Variants in DSCAM observed in about 807,000 individuals in gnomAD.
The protein encoded by DSCAM is cell adhesion molecule DSCAM.
DSCAM carries 47 observed loss-of-function variants against 217.7 expected under a neutral mutation model. That is an observed-to-expected ratio of 0.22 (90% CI 0.17 to 0.28). The LOEUF is 0.28. Among genes scored for constraint, DSCAM ranks in the 10% least tolerant of loss-of-function variants. The pLI is 1.00. For synonymous variants in DSCAM, 1,056 were observed against 1,015.3 expected (o/e 1.04, Z -0.76); for missense variants, 2,080 against 2,618.3 (o/e 0.79, Z 4.49).
At chr21:40,444,940 C>T (rs532517134) in intron 3 of DSCAM, among the ~76,000 whole-genome samples, 3 of 152,202 alleles carry the variant, frequency 2.0e-5, no homozygotes, top group African/African-American at 7.2e-5. Context: ...TACGCTTGCC[C>T]TACATTGTCT....
At chr21:40,549,613 C>CA (rs1223620865) in intron 3 of DSCAM, among the ~76,000 whole-genome samples, 1 of 152,200 alleles carries the variant, frequency 6.6e-6, no homozygotes, top group African/African-American at 2.4e-5. Flanking sequence ...CTGAGATACT[C>CA]AGGCAGCATG....
intron 1 of DSCAM, among the ~76,000 whole-genome samples, chr21:40,832,959 C>T (rs564074306): frequency 2.0e-5 from 3 of 152,260 alleles, no homozygotes; most frequent in East Asian, 1.9e-4. Flanking sequence ...CTAAAGTACA[C>T]GGCATGCAAG....
At chr21:40,577,059 C>A (rs2146213451) in intron 3 of DSCAM, among the ~76,000 whole-genome samples, 1 of 151,096 alleles carries the variant, frequency 6.6e-6, no homozygotes, top group South Asian at 2.1e-4. Flanking sequence ...AGTGAAAATT[C>A]TATGTGAATT....
chr21:40,191,494 T>C (rs1027505786), intron 11 of DSCAM, among the ~76,000 whole-genome samples: 3 of 152,274 alleles, frequency 2.0e-5, no homozygotes, highest in Non-Finnish European at 4.4e-5. Flanking sequence ...CCCTAGCCTA[T>C]AAAATAAATA....
chr21:40,433,218 C>T (rs2075551881), intron 3 of DSCAM, among the ~76,000 whole-genome samples: 1 of 151,794 alleles, frequency 6.6e-6, no homozygotes, highest in Non-Finnish European at 1.5e-5. Flanking sequence ...ATTAGCCGGG[C>T]ATGGTAGGTA....
At chr21:40,736,255 T>A (rs534617154) in intron 1 of DSCAM, among the ~76,000 whole-genome samples, 69 of 152,086 alleles carry the variant, frequency 4.5e-4, no homozygotes, top group Admixed American at 2.0e-4. Flanking sequence ...ACCCAGGAGC[T>A]CTCCTCTGAA....
chr21:40,369,906 A>G (rs968263806), intron 3 of DSCAM, among the ~76,000 whole-genome samples: 2 of 152,100 alleles, frequency 1.3e-5, no homozygotes, highest in African/African-American at 2.4e-5. Context: ...TTTTAAAGGG[A>G]CTGTTCAAAT....
chr21:40,292,111 A>C (rs2073899463), intron 10 of DSCAM, among the ~76,000 whole-genome samples: 1 of 152,092 alleles, frequency 6.6e-6, no homozygotes, highest in Non-Finnish European at 1.5e-5. Context: ...TGTTCATGTA[A>C]ATAAATAAAT....
chr21:40,518,531 T>C (rs868696755), intron 3 of DSCAM, among the ~76,000 whole-genome samples: 2 of 45,326 alleles, frequency 4.4e-5, no homozygotes, highest in African/African-American at 3.3e-4. Context: ...ATATATTTTA[T>C]ATATATATAT....
At chr21:40,074,642 A>G (rs1318156068) in intron 27 of DSCAM, among the ~76,000 whole-genome samples, 2 of 152,202 alleles carry the variant, frequency 1.3e-5, no homozygotes, top group Non-Finnish European at 2.9e-5. Context: ...CTAAGCCCTC[A>G]ATTTCCACTT....
chr21:40,213,007 G>C (rs2091200543), intron 11 of DSCAM, among the ~76,000 whole-genome samples: 1 of 152,218 alleles, frequency 6.6e-6, no homozygotes. Flanking sequence ...TGTGCCCTCA[G>C]AGCCTCCAGA....
Position 40,270,090 on chromosome 21 carries a change from T to G in DSCAM, c.2356+6007A>C, listed in dbSNP as rs550206599. On this transcript the variant is annotated intron_variant, in intron 11 of 32. Coordinates refer to ENST00000400454, the MANE Select transcript of DSCAM (RefSeq NM_001389.5). ...TAGCTGGTGGAACTTCAGGCTGACT[T>G]AGGAAGGGAAATGCATATGTTTGGG... Among the ~76,000 whole-genome samples, 12 of 152,300 alleles carry G rather than the reference T, an allele frequency of 7.9e-5. No homozygotes were observed. In the South Asian group the frequency reaches 2.3e-3, roughly 29 times the overall value.
intron 1 of DSCAM, among the ~76,000 whole-genome samples, chr21:40,780,447 A>ATATATATATCTC (rs1308722522): frequency 1.4e-5 from 2 of 141,556 alleles, no homozygotes; most frequent in East Asian, 4.3e-4. Context: ...ATATATATAT[A>ATATATATATCTC]TCTCCTGTTA....
rs143199576 is a variant in DSCAM at position 40,641,967 on chromosome 21, G to A, written c.508+50843C>T. 7.4e-4 allele frequency among the ~76,000 whole-genome samples: 111 copies of A among 150,552 alleles called. No individual in the cohort carries two copies. In the East Asian group the frequency reaches 0.02, roughly 27 times the overall value. ...GTAGACCGAGGCAGGAGAATTGTTTGAACCCGGGAGGCAGAGGTTCCAGTG... is the reference window on the plus strand; with the variant it reads ...GTAGACCGAGGCAGGAGAATTGTTTAAACCCGGGAGGCAGAGGTTCCAGTG... On this transcript the variant is annotated intron_variant, in intron 3 of 32. Transcript: ENST00000400454.
At chr21:40,505,082 T>C (rs1385738221) in intron 3 of DSCAM, among the ~76,000 whole-genome samples, 1 of 152,162 alleles carries the variant, frequency 6.6e-6, no homozygotes, top group Admixed American at 6.5e-5. Context: ...TGGTACTGTG[T>C]CCCACCTCCT....
chr21:40,634,544 C>T (rs2089730860), intron 3 of DSCAM, among the ~76,000 whole-genome samples: 1 of 152,194 alleles, frequency 6.6e-6, no homozygotes, highest in African/African-American at 2.4e-5. Context: ...AGATGCAACA[C>T]GATGGCCATA....
intron 6 of DSCAM, among the ~76,000 whole-genome samples, chr21:40,340,009 T>A (rs1472618190): frequency 6.6e-6 from 1 of 152,190 alleles, no homozygotes; most frequent in Non-Finnish European, 1.5e-5. Flanking sequence ...CAAATAGTAA[T>A]TGCATGCAAA....
At chr21:40,670,404 G>A (rs1293508703) in intron 3 of DSCAM, among the ~76,000 whole-genome samples, 1 of 152,054 alleles carries the variant, frequency 6.6e-6, no homozygotes, top group African/African-American at 2.4e-5. Flanking sequence ...TGGGTGTGGT[G>A]GCGTGTGCCT....
intron 11 of DSCAM, among the ~76,000 whole-genome samples, chr21:40,264,783 A>T (rs1408990426): frequency 1.3e-5 from 2 of 152,216 alleles, no homozygotes; most frequent in Non-Finnish European, 2.9e-5. Context: ...AGAAAACCCT[A>T]AAGACTCCTC....
Sources: allele counts gnomAD v4.1 joint callset (sites outside exome capture counted in the v4.1 genomes callset), GRCh38; gene constraint gnomAD v4.1.1; transcripts MANE v1.5; gene names NCBI Gene and HGNC (gene_info 2026-07-23, HGNC 2026-07-21).